Variants in RP1 observed in about 807,000 individuals in gnomAD.
RP1 encodes the protein RP1 axonemal microtubule associated.
Under a neutral mutation model 14.8 loss-of-function variants are expected in RP1, and 16 were observed. That is an observed-to-expected ratio of 1.08 (90% CI 0.73 to 1.65). RP1 has a LOEUF of 1.65. Among genes scored for constraint, RP1 ranks in the 40% most tolerant of loss-of-function variants. The pLI is 0.00. For missense variants in RP1, 2,631 were observed against 2,535.0 expected, an observed-to-expected ratio of 1.04 and a Z score of -0.81; for synonymous variants, 876 against 883.6, an observed-to-expected ratio of 0.99 and a Z score of 0.15.
chr8:54,840,153 TA>T (rs1203142147), intron 25 of RP1, among the ~76,000 whole-genome samples: 1 of 152,254 alleles, frequency 6.6e-6, no homozygotes, highest in Non-Finnish European at 1.5e-5. Flanking sequence ...AAATGATGTT[TA>T]AAAAAATATT....
At chr8:54,827,961 A>C (rs1208922767) in intron 24 of RP1, among the ~76,000 whole-genome samples, 8 of 152,130 alleles carry the variant, frequency 5.3e-5, no homozygotes, top group Admixed American at 2.0e-4. Context: ...AATAAGATAT[A>C]GATGGACACA....
At chr8:54,794,366 A>C (rs1335137888) in intron 24 of RP1, among the ~76,000 whole-genome samples, 1 of 151,368 alleles carries the variant, frequency 6.6e-6, no homozygotes, top group Non-Finnish European at 1.5e-5. Context: ...GCATAAAAGT[A>C]GACACAAAGT....
chr8:54,565,804 C>G (rs1804392229), intron 1 of RP1, among the ~76,000 whole-genome samples: 1 of 152,160 alleles, frequency 6.6e-6, no homozygotes, highest in African/African-American at 2.4e-5. Flanking sequence ...GCACCACAGA[C>G]TGTGCGGCTT....
At chr8:54,604,341 T>C (rs1044812762) in intron 1 of RP1, among the ~76,000 whole-genome samples, 2 of 152,194 alleles carry the variant, frequency 1.3e-5, no homozygotes, top group African/African-American at 2.4e-5. Context: ...GGATTACGTT[T>C]ATTGATTTGT....
chr8:54,647,643 T>C (rs1271364100), intron 3 of RP1, among the ~76,000 whole-genome samples: 1 of 152,126 alleles, frequency 6.6e-6, no homozygotes, highest in Non-Finnish European at 1.5e-5. Flanking sequence ...TTTTATGTAA[T>C]CTTGAGTGTG....
In RP1 at chr8:54,708,674, G is replaced by T. The variant is rs765033648; in HGVS notation, c.2211+2019G>T. Among the ~76,000 whole-genome samples, 115 of 151,604 alleles carry T rather than the reference G, an allele frequency of 7.6e-4. 1 individual carries two copies. The Middle Eastern group carries it at 0.034, about 45-fold the overall frequency. On this transcript the variant is annotated intron_variant, in intron 15 of 22. Coordinates refer to the RP1 transcript ENST00000636932. Reference sequence around the variant, plus strand: ...GAGCCCAGCTGAATGGTGATTTCTTGGTTCTTCACTTCCAGCCTGTATGCC... The same window carrying T: ...GAGCCCAGCTGAATGGTGATTTCTTTGTTCTTCACTTCCAGCCTGTATGCC...
At chr8:54,817,259 C>T (rs985406020) in intron 24 of RP1, among the ~76,000 whole-genome samples, 3 of 152,058 alleles carry the variant, frequency 2.0e-5, no homozygotes, top group African/African-American at 7.2e-5. Flanking sequence ...TTTTAGATGA[C>T]TGAGAGACAG....
intron 3 of RP1, among the ~76,000 whole-genome samples, chr8:54,647,312 G>A (rs145634241): frequency 7.2e-5 from 11 of 152,016 alleles, no homozygotes; most frequent in African/African-American, 2.4e-4. Flanking sequence ...CTATTGAGAG[G>A]CTGAGGCAGG....
chr8:54,652,695 A>G (rs1806679782), intron 4 of RP1: 9 of 860,916 alleles, frequency 1.0e-5, no homozygotes, highest in Non-Finnish European at 1.7e-5. Context: ...TGACCCCTTT[A>G]TCAACATTTC....
intron 19 of RP1, among the ~76,000 whole-genome samples, chr8:54,747,832 A>G (rs113623915): frequency 1.3e-5 from 2 of 152,336 alleles, no homozygotes; most frequent in African/African-American, 2.4e-5. Context: ...TGTTTCATAT[A>G]TATAGCCTGG....
At chr8:54,637,166 G>T (rs1374374400) in intron 3 of RP1, among the ~76,000 whole-genome samples, 1 of 152,180 alleles carries the variant, frequency 6.6e-6, no homozygotes, top group Non-Finnish European at 1.5e-5. Flanking sequence ...GACCTCATCT[G>T]GATCAACAGA....
At chr8:54,707,269 G>A (rs1386946544) in intron 15 of RP1, among the ~76,000 whole-genome samples, 1 of 152,068 alleles carries the variant, frequency 6.6e-6, no homozygotes, top group Non-Finnish European at 1.5e-5. Context: ...GACTACAGGC[G>A]CATGCCACCA....
At chr8:54,741,276 A>G (rs1480133252) in intron 19 of RP1, among the ~76,000 whole-genome samples, 1 of 152,184 alleles carries the variant, frequency 6.6e-6, no homozygotes, top group Non-Finnish European at 1.5e-5. Flanking sequence ...AGGCCTTCAC[A>G]TTCACTCACC....
intron 24 of RP1, among the ~76,000 whole-genome samples, chr8:54,816,241 G>A (rs1185999251): frequency 6.6e-6 from 1 of 152,160 alleles, no homozygotes; most frequent in Non-Finnish European, 1.5e-5. Context: ...ATTCTAAAAT[G>A]CATAAAGGGG....
chr8:54,741,790 G>A (rs1162147889), intron 19 of RP1, among the ~76,000 whole-genome samples: 1 of 124,244 alleles, frequency 8.0e-6, no homozygotes, highest in African/African-American at 3.0e-5. Context: ...ATTGAATCAT[G>A]CTATGTATGC....
intron 1 of RP1, among the ~76,000 whole-genome samples, chr8:54,577,027 T>C (rs1337103752): frequency 6.6e-6 from 1 of 151,588 alleles, no homozygotes; most frequent in East Asian, 1.9e-4. Flanking sequence ...CTTAATTTTC[T>C]TTTTTTTTGA....
intron 7 of RP1, among the ~76,000 whole-genome samples, chr8:54,665,909 T>C (rs2129330593): frequency 6.6e-6 from 1 of 152,132 alleles, no homozygotes; most frequent in African/African-American, 2.4e-5. Context: ...AAAAACTGGG[T>C]GCTGGGGGTT....
rs184399962 is a variant in RP1 at position 54,642,360 on chromosome 8, T to A, written c.788-6625T>A. ...AGTTATATAGCATGTAGTAAAAAAA[T>A]TAGATAGTGTAGGCAGGTATTAAAT... On this transcript the variant is annotated intron_variant, in intron 3 of 22. Transcript: ENST00000636932. Among the ~76,000 whole-genome samples the A allele has an allele frequency of 8.1e-4, 124 of 152,248 alleles. 1 individual carries two copies. Among genetic ancestry groups the A allele is most frequent in the Middle Eastern group, 3.4e-3 (1 of 294 alleles).
chr8:54,717,319 G>A (rs1021906001), intron 15 of RP1, among the ~76,000 whole-genome samples: 5 of 152,044 alleles, frequency 3.3e-5, no homozygotes, highest in East Asian at 1.9e-4. Context: ...TTCTTCTTAC[G>A]CCAACACAAT....
Sources: allele counts gnomAD v4.1 joint callset (sites outside exome capture counted in the v4.1 genomes callset), GRCh38; gene constraint gnomAD v4.1.1; transcripts MANE v1.5; gene names NCBI Gene and HGNC (gene_info 2026-07-23, HGNC 2026-07-21).